ATRNL1: variants seen among roughly 807,000 people sequenced by gnomAD.
The protein encoded by ATRNL1 is attractin like 1.
Under a neutral mutation model 182.7 loss-of-function variants are expected in ATRNL1, and 95 were observed. The observed-to-expected ratio is 0.52, with a 90% CI of 0.44 to 0.62. The LOEUF (loss-of-function observed/expected upper bound fraction) is 0.62, where lower values mean the gene tolerates loss of function less well. Among genes scored for constraint, ATRNL1 ranks in the 20% least tolerant of loss-of-function variants. ATRNL1 has a pLI of 0.00. For synonymous variants in ATRNL1, 576 were observed against 568.3 expected (o/e 1.01, Z -0.19); for missense variants, 1,471 against 1,679.5 (o/e 0.88, Z 2.17).
At chr10:115,588,294 T>C (rs1324853967) in intron 26 of ATRNL1, among the ~76,000 whole-genome samples, 1 of 152,174 alleles carries the variant, frequency 6.6e-6, no homozygotes, top group East Asian at 1.9e-4. Flanking sequence ...TGAGCCTCTT[T>C]TGCTGTGCAG....
chr10:115,298,248 T>C (rs1322060971), intron 15 of ATRNL1, among the ~76,000 whole-genome samples: 6 of 152,182 alleles, frequency 3.9e-5, no homozygotes, highest in African/African-American at 1.4e-4. Flanking sequence ...CAAATGATCA[T>C]TTACTTATCA....
intron 24 of ATRNL1, among the ~76,000 whole-genome samples, chr10:115,494,816 C>T (rs1554977726): frequency 6.6e-6 from 1 of 152,094 alleles, no homozygotes; most frequent in East Asian, 1.9e-4. Context: ...TTCATTGTGT[C>T]TTTGCCAGAT....
intron 10 of ATRNL1, among the ~76,000 whole-genome samples, chr10:115,246,732 T>C (rs1299087387): frequency 1.7e-5 from 2 of 117,438 alleles, no homozygotes; most frequent in Admixed American, 1.6e-4. Context: ...GGCTAATTTT[T>C]TGTATTTTTA....
intron 19 of ATRNL1, among the ~76,000 whole-genome samples, chr10:115,336,988 G>A (rs1393700076): frequency 5.3e-5 from 8 of 150,494 alleles, no homozygotes; most frequent in Non-Finnish European, 1.2e-4. Flanking sequence ...TGGGGGGGGG[G>A]GACTACAGGG....
intron 1 of ATRNL1, among the ~76,000 whole-genome samples, chr10:115,100,113 AAG>A (rs1174169472): frequency 6.6e-6 from 1 of 152,118 alleles, no homozygotes; most frequent in Non-Finnish European, 1.5e-5. Context: ...GAAACAAGGC[AAG>A]ACACTGCCTA....
intron 21 of ATRNL1, among the ~76,000 whole-genome samples, chr10:115,441,243 A>T (rs1343372945): frequency 1.3e-5 from 2 of 151,930 alleles, no homozygotes; most frequent in Non-Finnish European, 2.9e-5. Context: ...AATATATCTT[A>T]TGTTAAAAAT....
intron 26 of ATRNL1, among the ~76,000 whole-genome samples, chr10:115,557,413 C>A (rs1341049068): frequency 6.6e-6 from 1 of 151,984 alleles, no homozygotes; most frequent in African/African-American, 2.4e-5. Flanking sequence ...AGACAAGCAC[C>A]CAGCATGAAT....
At chr10:115,244,341 C>T (rs1850541695) in intron 10 of ATRNL1, among the ~76,000 whole-genome samples, 1 of 152,058 alleles carries the variant, frequency 6.6e-6, no homozygotes, top group African/African-American at 2.4e-5. Flanking sequence ...ATAACCTTGC[C>T]TTCACAGTTC....
intron 24 of ATRNL1, among the ~76,000 whole-genome samples, chr10:115,518,494 C>G (rs989398815): frequency 6.6e-6 from 1 of 151,842 alleles, no homozygotes; most frequent in Non-Finnish European, 1.5e-5. Context: ...CTTTTACATG[C>G]CAGAAATTAT....
intron 27 of ATRNL1, among the ~76,000 whole-genome samples, chr10:115,773,857 T>C (rs782652617): frequency 1.3e-5 from 2 of 152,196 alleles, no homozygotes; most frequent in Non-Finnish European, 2.9e-5. Context: ...ATTGGAGGCT[T>C]TGCAAATCAC....
chr10:115,177,169 C>T (rs1554886891), intron 8 of ATRNL1, among the ~76,000 whole-genome samples: 1 of 152,108 alleles, frequency 6.6e-6, no homozygotes, highest in Non-Finnish European at 1.5e-5. Flanking sequence ...TCTGCTGATG[C>T]CTCAAGTACA....
At chr10:115,595,563 T>C (rs1232888271) in intron 26 of ATRNL1, among the ~76,000 whole-genome samples, 2 of 152,116 alleles carry the variant, frequency 1.3e-5, no homozygotes, top group African/African-American at 4.8e-5. Context: ...ACAGGGATTT[T>C]CATTTCCTTG....
At chr10:115,296,999 G>A (rs1853226394) in intron 15 of ATRNL1, among the ~76,000 whole-genome samples, 1 of 152,174 alleles carries the variant, frequency 6.6e-6, no homozygotes, top group African/African-American at 2.4e-5. Flanking sequence ...AAGATAAAGG[G>A]TAGGCATCTA....
At chr10:115,217,387 C>T (rs1416283696) in intron 9 of ATRNL1, among the ~76,000 whole-genome samples, 2 of 151,958 alleles carry the variant, frequency 1.3e-5, no homozygotes, top group African/African-American at 2.4e-5. Context: ...TGTGCCTGGC[C>T]CTAAAAATAT....
intron 25 of ATRNL1, among the ~76,000 whole-genome samples, chr10:115,545,547 T>G (rs934041331): frequency 5.3e-5 from 8 of 152,130 alleles, no homozygotes; most frequent in Admixed American, 5.2e-4. Context: ...TATGTTGTCC[T>G]TATACATCAT....
chr10:115,855,874 A>G (rs1247428993), intron 28 of ATRNL1, among the ~76,000 whole-genome samples: 6 of 152,206 alleles, frequency 3.9e-5, no homozygotes, highest in Admixed American at 1.3e-4. Flanking sequence ...TATATTTCCA[A>G]TGTAGCATGT....
At chr10:115,367,702 G>T (rs1004260037) in intron 19 of ATRNL1, among the ~76,000 whole-genome samples, 1 of 124,528 alleles carries the variant, frequency 8.0e-6, no homozygotes, top group African/African-American at 2.6e-5. Context: ...TTTTTGGTGT[G>T]GATGTCCTTT....
chr10:115,546,059 A>G (rs1852634555), intron 25 of ATRNL1, among the ~76,000 whole-genome samples: 1 of 152,162 alleles, frequency 6.6e-6, no homozygotes, highest in South Asian at 2.1e-4. Context: ...TTCATGTAAA[A>G]CACTCAGCAT....
rs569024252 is a variant in ATRNL1 at position 115,618,550 on chromosome 10, G to A, written c.3795+69014G>A. 2.0e-5 allele frequency among the ~76,000 whole-genome samples: 3 copies of A among 149,970 alleles called. No homozygotes were observed. In the South Asian group the frequency reaches 6.3e-4, roughly 31 times the overall value. On this transcript the variant is annotated intron_variant, in intron 26 of 28. Transcript: ENST00000355044. ...TTTTCCTTTTTCTTTTTTCAGACTG[G>A]TTTATTTCAAAATACCTTTCTTCAA...
Sources: allele counts gnomAD v4.1 joint callset (sites outside exome capture counted in the v4.1 genomes callset), GRCh38; gene constraint gnomAD v4.1.1; transcripts MANE v1.5; gene names NCBI Gene and HGNC (gene_info 2026-07-23, HGNC 2026-07-21).